NEDD4L: variants seen among roughly 807,000 people sequenced by gnomAD.
NEDD4L encodes the protein NEDD4 like E3 ubiquitin protein ligase, also known as E3 ubiquitin-protein ligase NEDD4-like.
Under a neutral mutation model 148.9 loss-of-function variants are expected in NEDD4L, and 54 were observed. The ratio of observed to expected loss-of-function variants is 0.36; its 90% CI spans 0.29 to 0.45. NEDD4L has a LOEUF of 0.45. NEDD4L is among the 20% of genes least tolerant of loss of function. The pLI is 1.00. For missense variants in NEDD4L, 856 were observed against 1,233.8 expected, an observed-to-expected ratio of 0.69 and a Z score of 4.59; for synonymous variants, 433 against 440.7, an observed-to-expected ratio of 0.98 and a Z score of 0.22.
intron 1 of NEDD4L, among the ~76,000 whole-genome samples, chr18:58,158,780 T>G (rs7236010): frequency 0.49 from 75,015 of 151,860 alleles, 18,738 homozygotes; most frequent in Admixed American, 0.56. Flanking sequence ...TGAACTGGAC[T>G]TGCAGTCCTG....
In NEDD4L at chr18:58,394,955, G is replaced by A. The variant is rs530759996; in HGVS notation, c.2826-1212G>A. ...CACTCGCGGCAGAGGCAGCACAAGT[G>A]CACTTCAAGAGCTGGGCTTTGGAGC... is the stretch of plus-strand genomic sequence containing the variant. On this transcript the variant is annotated intron_variant, in intron 30 of 30. Transcript: ENST00000400345. Among the ~76,000 whole-genome samples, 295 of 152,326 alleles carry A rather than the reference G, an allele frequency of 1.9e-3. 1 individual carries two copies. The highest frequency in any genetic ancestry group is 6.8e-3 in the African/African-American group (284 of 41,574).
At position 58,256,143 on chromosome 18, in the gene NEDD4L, G is replaced by A; in HGVS notation, c.297+4089G>A. Reference sequence around the variant, plus strand: ...CGGGACCCAGGGCTCCAGGTCAACGGCACGTGCGGCCGCCGCGTGCGGTGC... The same window carrying A: ...CGGGACCCAGGGCTCCAGGTCAACGACACGTGCGGCCGCCGCGTGCGGTGC... On this transcript the variant is annotated intron_variant, in intron 5 of 30. Transcript: ENST00000400345. This position sits in a 1 kb window ranked among gnomAD's most constrained non-coding sequence, Gnocchi z 5.2. 8.2e-7 allele frequency: 1 copy of A among 1,223,254 alleles called. No individual in the cohort carries two copies. The highest frequency in any genetic ancestry group is 1.0e-6 in the Non-Finnish European group (1 of 982,662). 75.8% of individuals were successfully genotyped at this position (1,223,254 alleles called of 1,614,324 possible).
intron 5 of NEDD4L, among the ~76,000 whole-genome samples, chr18:58,288,066 G>T (rs1325624958): frequency 6.6e-6 from 1 of 152,130 alleles, no homozygotes; most frequent in African/African-American, 2.4e-5. Flanking sequence ...TGACTAATTT[G>T]CCCACCCAGT....
At chr18:58,207,429 G>A (rs1436847045) in intron 2 of NEDD4L, among the ~76,000 whole-genome samples, 1 of 152,078 alleles carries the variant, frequency 6.6e-6, no homozygotes, top group East Asian at 1.9e-4. Flanking sequence ...CTGAAGAATG[G>A]GTTAAGGCAG....
intron 1 of NEDD4L, among the ~76,000 whole-genome samples, chr18:58,121,426 T>C (rs754813288): frequency 1.2e-4 from 19 of 152,110 alleles, no homozygotes; most frequent in Non-Finnish European, 2.6e-4. Context: ...TTCTTTTCTT[T>C]CATTCTTTTT....
chr18:58,087,577 A>G (rs1184323730), intron 1 of NEDD4L, among the ~76,000 whole-genome samples: 1 of 152,168 alleles, frequency 6.6e-6, no homozygotes, highest in Non-Finnish European at 1.5e-5. Flanking sequence ...AGTGGCTGAA[A>G]ACAAGGAACA....
chr18:58,207,420 T>A (rs1464137126), intron 2 of NEDD4L, among the ~76,000 whole-genome samples: 1 of 151,992 alleles, frequency 6.6e-6, no homozygotes, highest in East Asian at 1.9e-4. Context: ...GTTTCCTCCC[T>A]GAAGAATGGG....
intron 9 of NEDD4L, 53 bp from the exon 10 acceptor site, chr18:58,328,942 G>A: frequency 3.1e-6 from 5 of 1,610,134 alleles, no homozygotes; most frequent in Non-Finnish European, 4.2e-6. Flanking sequence ...GTCATGAAGG[G>A]CCCGATCTCA....
rs752800938 is a variant in NEDD4L, at chr18:58,234,097, CTTTCT to C, written c.123-11310_123-11306del. On this transcript the variant is annotated intron_variant, in intron 2 of 30. Coordinates refer to ENST00000400345, the MANE Select transcript of NEDD4L (RefSeq NM_001144967.3). ...TCTTTCTTTCTTTCTTTCTTTCTTTCTTTCTTTTCTTTTCTTTTCTTTTCCTTCTT... is the reference window on the plus strand; with the variant it reads ...TCTTTCTTTCTTTCTTTCTTTCTTTCTTTCTTTTCTTTTCTTTTCCTTCTT... Among the ~76,000 whole-genome samples, 213 of 83,352 alleles carry C rather than the reference CTTTCT, an allele frequency of 2.6e-3. 4 individuals are homozygous for C. Among genetic ancestry groups the C allele is most frequent in the Middle Eastern group, 5.2e-3 (1 of 194 alleles). 54.7% of individuals were successfully genotyped at this position (83,352 alleles called of 152,430 possible). A position where few individuals can be genotyped will look rare whatever the true frequency, so the allele number is the denominator to read the frequency against.
At chr18:58,277,074 G>C (rs2052195498) in intron 5 of NEDD4L, among the ~76,000 whole-genome samples, 2 of 152,120 alleles carry the variant, frequency 1.3e-5, no homozygotes, top group Admixed American at 1.3e-4. Flanking sequence ...ATGTCAGAAG[G>C]GGGACTGCAT....
chr18:58,249,380 C>CAT (rs1184476187), intron 4 of NEDD4L, among the ~76,000 whole-genome samples: 1 of 152,094 alleles, frequency 6.6e-6, no homozygotes, highest in Non-Finnish European at 1.5e-5. Flanking sequence ...CACTTGAGTG[C>CAT]ATATATATGT....
At chr18:58,088,237 C>G (rs1415699736) in intron 1 of NEDD4L, among the ~76,000 whole-genome samples, 2 of 152,206 alleles carry the variant, frequency 1.3e-5, no homozygotes, top group Non-Finnish European at 2.9e-5. Flanking sequence ...AACACTCTGT[C>G]ATTTCTGCAA....
chr18:58,255,505 C>G (rs1167036861), intron 5 of NEDD4L: 14 of 1,230,962 alleles, frequency 1.1e-5, no homozygotes, highest in South Asian at 4.3e-5. Context: ...CTATCTGTCG[C>G]TCCCGGTGCC....
chr18:58,050,717 G>A (rs1029460953), intron 1 of NEDD4L, among the ~76,000 whole-genome samples: 2 of 151,966 alleles, frequency 1.3e-5, no homozygotes, highest in Non-Finnish European at 2.9e-5. Flanking sequence ...GACAAGTTCG[G>A]GCCATTGTGC....
intron 10 of NEDD4L, among the ~76,000 whole-genome samples, chr18:58,330,068 G>T (rs973413006): frequency 6.6e-6 from 1 of 152,048 alleles, no homozygotes; most frequent in East Asian, 1.9e-4. Context: ...TACTTAAAAC[G>T]TTATGAATTA....
Position 58,366,288 on chromosome 18 carries a change from CA to C in NEDD4L, c.2063+61del. The C allele has an allele frequency of 1.6e-6, 2 of 1,245,120 alleles. No individual in the cohort carries two copies. Among genetic ancestry groups the C allele is most frequent in the Middle Eastern group, 1.9e-4 (1 of 5,182 alleles). The allele number at this position is 1,245,120 out of a possible 1,614,324, so 77.1% of individuals were successfully genotyped here. ...ACTGAGACAGTTGTATGAATTTAAACAGAATGAAAGGATAAGCAGCTCATGA... is the reference window on the plus strand; with the variant it reads ...ACTGAGACAGTTGTATGAATTTAAACGAATGAAAGGATAAGCAGCTCATGA... On this transcript the variant is annotated intron_variant, in intron 21 of 30. Coordinates refer to ENST00000400345, the MANE Select transcript of NEDD4L (RefSeq NM_001144967.3). This position sits in a 1 kb window ranked among gnomAD's most constrained non-coding sequence, Gnocchi z 4.2.
chr18:58,056,027 C>T (rs139250105), intron 1 of NEDD4L, among the ~76,000 whole-genome samples: 305 of 152,304 alleles, frequency 2.0e-3, no homozygotes, highest in African/African-American at 7.0e-3. Flanking sequence ...GCGGTCAGCT[C>T]TTCAGTGTTT....
chr18:58,238,419 C>T (rs778381427), intron 2 of NEDD4L, among the ~76,000 whole-genome samples: 24 of 151,998 alleles, frequency 1.6e-4, no homozygotes, highest in Non-Finnish European at 3.1e-4. Context: ...CTTTTTTATA[C>T]TCATAAAAGT....
chr18:58,301,602 C>T lies in NEDD4L; in HGVS notation c.298-14380C>T, dbSNP rs72946418. On this transcript the variant is annotated intron_variant, in intron 5 of 30. Coordinates refer to ENST00000400345, the MANE Select transcript of NEDD4L (RefSeq NM_001144967.3). The stretch of plus-strand genomic sequence containing the variant: ...TAAACTATTATCTCCACTTGAGAGA[C>T]GCTCAGAGAGGCTAGGGAGCTTACT... 2.5e-3 allele frequency among the ~76,000 whole-genome samples: 377 copies of T among 152,308 alleles called. 1 individual carries two copies. The highest frequency in any genetic ancestry group is 3.0e-3 in the Non-Finnish European group (201 of 68,026).
Sources: allele counts gnomAD v4.1 joint callset (sites outside exome capture counted in the v4.1 genomes callset), GRCh38; gene constraint gnomAD v4.1.1; non-coding constraint Gnocchi (gnomAD v3.1); transcripts MANE v1.5; gene names NCBI Gene and HGNC (gene_info 2026-07-23, HGNC 2026-07-21).